Variants in HOMER1 observed in about 807,000 individuals in gnomAD.
HOMER1 encodes the protein homer scaffold protein 1.
A neutral mutation model predicts 48.9 loss-of-function variants in HOMER1; 3 were observed. That is an observed-to-expected ratio of 0.06 (90% CI 0.03 to 0.16). The LOEUF is 0.16. Ranked by LOEUF, HOMER1 falls within the 10% of genes least tolerant of loss-of-function variation. HOMER1 has a pLI of 1.00. For missense variants in HOMER1, 247 were observed against 411.4 expected, an observed-to-expected ratio of 0.60 and a Z score of 3.46; for synonymous variants, 134 against 146.4, an observed-to-expected ratio of 0.92 and a Z score of 0.61.
chr5:79,502,735 C>T (rs1439279053), intron 1 of HOMER1, among the ~76,000 whole-genome samples: 1 of 152,186 alleles, frequency 6.6e-6, no homozygotes, highest in Admixed American at 6.5e-5. Context: ...ACAGTTAACC[C>T]TTGAACAATT....
chr5:79,510,389 C>T (rs2112387922), intron 1 of HOMER1: 2 of 584,696 alleles, frequency 3.4e-6, no homozygotes, highest in Non-Finnish European at 6.4e-6. Context: ...CATCCTGTCT[C>T]TTCAGATTCT....
At position 79,513,072 on chromosome 5, in the gene HOMER1, G is replaced by A. The variant is rs1239948047; in HGVS notation, c.-298C>T. 14 of 443,764 alleles carry A rather than the reference G, an allele frequency of 3.2e-5. No individual in the cohort carries two copies. The Admixed American group carries it at 6.1e-4, about 19-fold the overall frequency. The allele number at this position is 443,764 out of a possible 1,614,324, so 27.5% of individuals were successfully genotyped here. On this transcript the variant is annotated 5_prime_UTR_variant, in exon 1 of 9. Coordinates refer to ENST00000334082, the MANE Select transcript of HOMER1 (RefSeq NM_004272.5). Reference sequence around the variant, plus strand: ...AAAATGAGTCTACAAGTAGGGAAATGCAGAATCCGGCTTCACCGAGTCCTA... The same window carrying A: ...AAAATGAGTCTACAAGTAGGGAAATACAGAATCCGGCTTCACCGAGTCCTA...
chr5:79,429,989 C>A (rs6453449), intron 5 of HOMER1, among the ~76,000 whole-genome samples: 13 of 150,154 alleles, frequency 8.7e-5, no homozygotes, highest in Non-Finnish European at 1.9e-4. Flanking sequence ...AGCCACTGCA[C>A]TCCAGCCTGG....
intron 1 of HOMER1, among the ~76,000 whole-genome samples, chr5:79,507,263 T>C (rs1435288713): frequency 3.4e-5 from 5 of 145,862 alleles, no homozygotes; most frequent in Admixed American, 6.8e-5. Context: ...CAGTTTTACC[T>C]ACTCTTGCAA....
At chr5:79,482,655 T>C (rs981943827) in intron 1 of HOMER1, among the ~76,000 whole-genome samples, 3 of 152,062 alleles carry the variant, frequency 2.0e-5, no homozygotes, top group African/African-American at 7.2e-5. Context: ...GTGGGATAAC[T>C]TCAAGCAACC....
At chr5:79,469,116 T>C (rs1297863935) in intron 1 of HOMER1, among the ~76,000 whole-genome samples, 1 of 152,184 alleles carries the variant, frequency 6.6e-6, no homozygotes, top group Non-Finnish European at 1.5e-5. Flanking sequence ...TTAGGTTCTA[T>C]TTTTCCATAC....
intron 1 of HOMER1, among the ~76,000 whole-genome samples, chr5:79,472,848 T>C (rs1357777558): frequency 6.6e-6 from 1 of 152,132 alleles, no homozygotes; most frequent in East Asian, 1.9e-4. Context: ...AGCAAACAGA[T>C]TTGCGGATAC....
At chr5:79,395,154 C>T (rs1749348530) in intron 8 of HOMER1, among the ~76,000 whole-genome samples, 1 of 152,270 alleles carries the variant, frequency 6.6e-6, no homozygotes, top group East Asian at 1.9e-4. Context: ...AATGGGGATA[C>T]CTCACCTGCT....
At chr5:79,473,640 T>C (rs1751681085) in intron 1 of HOMER1, among the ~76,000 whole-genome samples, 1 of 152,200 alleles carries the variant, frequency 6.6e-6, no homozygotes, top group Non-Finnish European at 1.5e-5. Context: ...TCTCATTATA[T>C]GAAAGAGTTC....
intron 1 of HOMER1, among the ~76,000 whole-genome samples, chr5:79,506,499 CAG>C (rs1380251956): frequency 2.0e-5 from 3 of 152,120 alleles, no homozygotes; most frequent in East Asian, 1.9e-4. Flanking sequence ...ACTCTTTTAA[CAG>C]AGAGTCATTA....
chr5:79,469,836 G>A (rs981430792), intron 1 of HOMER1, among the ~76,000 whole-genome samples: 3 of 152,042 alleles, frequency 2.0e-5, no homozygotes, highest in Non-Finnish European at 2.9e-5. Flanking sequence ...AAAAACTATA[G>A]ACAAAACTCT....
chr5:79,407,554 A>C (rs1364123840), intron 5 of HOMER1, among the ~76,000 whole-genome samples: 1 of 152,264 alleles, frequency 6.6e-6, no homozygotes, highest in Non-Finnish European at 1.5e-5. Flanking sequence ...ACAGAGGTGA[A>C]GAATGCCTTT....
intron 5 of HOMER1, among the ~76,000 whole-genome samples, chr5:79,426,975 A>G (rs1750275088): frequency 6.6e-6 from 1 of 152,192 alleles, no homozygotes; most frequent in South Asian, 2.1e-4. Flanking sequence ...GGGTTAATTT[A>G]GTGACTTAAT....
intron 1 of HOMER1, among the ~76,000 whole-genome samples, chr5:79,506,921 T>C (rs1752788288): frequency 6.6e-6 from 1 of 152,038 alleles, no homozygotes; most frequent in Non-Finnish European, 1.5e-5. Flanking sequence ...TAAAAAGTTT[T>C]ACCTACTCTT....
chr5:79,391,132 T>G (rs926405141), intron 8 of HOMER1, among the ~76,000 whole-genome samples: 10 of 96,400 alleles, frequency 1.0e-4, no homozygotes, highest in Admixed American at 3.2e-4. Flanking sequence ...ATTTTGTGGG[T>G]TTTTTTTTTG....
At chr5:79,486,406 T>C (rs997343136) in intron 1 of HOMER1, among the ~76,000 whole-genome samples, 1 of 152,144 alleles carries the variant, frequency 6.6e-6, no homozygotes, top group East Asian at 1.9e-4. Context: ...CAAAGTACAG[T>C]GTAGCTGAAC....
At chr5:79,421,493 T>A (rs1490470118) in intron 5 of HOMER1, among the ~76,000 whole-genome samples, 1 of 152,212 alleles carries the variant, frequency 6.6e-6, no homozygotes. Flanking sequence ...CCTATAATCA[T>A]GTAAATTACC....
intron 1 of HOMER1, among the ~76,000 whole-genome samples, chr5:79,467,840 G>C (rs980127228): frequency 6.6e-6 from 1 of 152,060 alleles, no homozygotes; most frequent in East Asian, 1.9e-4. Context: ...GCAGTGGTGC[G>C]ATCAGAGCTC....
intron 2 of HOMER1, among the ~76,000 whole-genome samples, chr5:79,451,556 CTTTTTTTTTTTT>C (rs71615542): frequency 4.6e-5 from 3 of 64,630 alleles, no homozygotes; most frequent in African/African-American, 1.8e-4. Context: ...AAATATGACA[CTTTTTTTTTTTT>C]TTTTTTTTTT....
Sources: gnomAD v4.1 joint callset for allele counts (sites outside exome capture counted in the v4.1 genomes callset) on GRCh38, gnomAD v4.1.1 for gene constraint, MANE v1.5 for transcripts, NCBI Gene and HGNC (gene_info 2026-07-23, HGNC 2026-07-21) for gene names.